Variants in BMPER observed in about 807,000 individuals in gnomAD.
The protein encoded by BMPER is BMP binding endothelial regulator, also known as BMP-binding endothelial regulator protein.
BMPER carries 45 observed loss-of-function variants against 87.3 expected under a neutral mutation model. The ratio of observed to expected loss-of-function variants is 0.52; its 90% CI spans 0.41 to 0.66. BMPER has a LOEUF of 0.66. Ranked by LOEUF, BMPER falls within the 30% of genes least tolerant of loss-of-function variation. The pLI is 0.00. For missense variants in BMPER, 784 were observed against 867.5 expected (o/e 0.90, Z 1.21); for synonymous variants, 326 against 316.2 (o/e 1.03, Z -0.33).
chr7:33,951,333 C>CCACT (rs1427249362), intron 3 of BMPER, among the ~76,000 whole-genome samples: 2 of 152,152 alleles, frequency 1.3e-5, no homozygotes, highest in Non-Finnish European at 2.9e-5. Flanking sequence ...CAGGTGTGAG[C>CCACT]CACTGCACCT....
At chr7:34,077,019 T>C (rs911313549) in intron 11 of BMPER, among the ~76,000 whole-genome samples, 1 of 152,202 alleles carries the variant, frequency 6.6e-6, no homozygotes, top group Non-Finnish European at 1.5e-5. Flanking sequence ...CATCTGGTCA[T>C]CAGGTTACTA....
At chr7:34,113,084 A>G (rs1790023153) in intron 13 of BMPER, among the ~76,000 whole-genome samples, 1 of 151,872 alleles carries the variant, frequency 6.6e-6, no homozygotes, top group African/African-American at 2.4e-5. Flanking sequence ...CAAGCAGCTC[A>G]TTGCATGCAC....
rs749900138 is a variant in BMPER at position 34,079,009 on chromosome 7, C to A, written c.1231C>A (p.Arg411=). ...FQVLVKNDAR[R]TRSFSWTKSV... ...GGTGCTGGTGAAGAACGACGCCCGC[C>A]GGACACGCTCCTTCTCGTGGACCAA... Residue 411 remains arginine (R), a synonymous_variant, in exon 12 of 15, where the codon CGG becomes AGG. Transcript: ENST00000649409. The A allele has an allele frequency of 1.2e-6, 2 of 1,614,228 alleles. No individual in the cohort carries two copies. Among genetic ancestry groups the A allele is most frequent in the Non-Finnish European group, 1.7e-6 (2 of 1,180,034 alleles).
chr7:34,100,736 G>T (rs1449144914), intron 13 of BMPER, among the ~76,000 whole-genome samples: 2 of 152,118 alleles, frequency 1.3e-5, no homozygotes, highest in Non-Finnish European at 2.9e-5. Context: ...GTGGCCTTAG[G>T]TTCCAATAAC....
At chr7:33,955,237 A>G (rs957486289) in intron 3 of BMPER, among the ~76,000 whole-genome samples, 2 of 152,074 alleles carry the variant, frequency 1.3e-5, no homozygotes, top group Admixed American at 1.3e-4. Context: ...GAATGGGTGA[A>G]TTTTTCTCTT....
intron 13 of BMPER, among the ~76,000 whole-genome samples, chr7:34,093,505 C>T (rs774635707): frequency 2.0e-5 from 3 of 152,240 alleles, no homozygotes; most frequent in Non-Finnish European, 2.9e-5. Context: ...GCAAAAAACA[C>T]ACTCCTGTCA....
intron 4 of BMPER, 30 bp downstream of exon 4, chr7:33,966,591 A>G (rs1164912565): frequency 6.2e-7 from 1 of 1,602,138 alleles, no homozygotes; most frequent in South Asian, 1.1e-5. Context: ...CTCTCCAGTA[A>G]AAAGGAATCC....
At chr7:33,921,741 C>T (rs188411616) in intron 2 of BMPER, 222 of 470,930 alleles carry the variant, frequency 4.7e-4, no homozygotes, top group African/African-American at 3.6e-3. Flanking sequence ...AGCTGCAGGA[C>T]GAAGCTGACG....
chr7:33,999,329 G>A (rs188430167), intron 6 of BMPER, among the ~76,000 whole-genome samples: 33 of 152,312 alleles, frequency 2.2e-4, no homozygotes, highest in Admixed American at 5.2e-4. Flanking sequence ...TAAAAAAATG[G>A]TAAGGTAGCT....
chr7:33,980,229 C>T (rs969470675), intron 6 of BMPER, among the ~76,000 whole-genome samples: 1 of 152,134 alleles, frequency 6.6e-6, no homozygotes, highest in Admixed American at 6.5e-5. Flanking sequence ...TTCAGAGTCC[C>T]GATATTCATC....
chr7:34,118,254 G>A (rs1438447340), intron 13 of BMPER, among the ~76,000 whole-genome samples: 2 of 151,566 alleles, frequency 1.3e-5, no homozygotes, highest in Non-Finnish European at 2.9e-5. Flanking sequence ...GCAGTGAGCC[G>A]AGATCACACC....
chr7:33,998,044 A>C (rs1001407514), intron 6 of BMPER, among the ~76,000 whole-genome samples: 1 of 152,168 alleles, frequency 6.6e-6, no homozygotes, highest in African/African-American at 2.4e-5. Context: ...TACAAGCTCC[A>C]TTAGGACTGG....
chr7:34,104,226 G>A (rs752456575), intron 13 of BMPER, among the ~76,000 whole-genome samples: 2 of 152,204 alleles, frequency 1.3e-5, no homozygotes, highest in Admixed American at 6.5e-5. Context: ...CTAATGCTTC[G>A]GTTATTCTGT....
intron 3 of BMPER, among the ~76,000 whole-genome samples, chr7:33,951,643 C>G (rs968066452): frequency 6.6e-6 from 1 of 152,118 alleles, no homozygotes; most frequent in Non-Finnish European, 1.5e-5. Flanking sequence ...ATTTTCAGCT[C>G]TGATCACTGT....
At chr7:33,940,656 A>T (rs905238863) in intron 3 of BMPER, among the ~76,000 whole-genome samples, 10 of 152,174 alleles carry the variant, frequency 6.6e-5, no homozygotes, top group East Asian at 3.9e-4. Flanking sequence ...TGCATTTCTG[A>T]TAAGTCCTCT....
chr7:34,087,565 C>CT (rs371137498), intron 13 of BMPER, among the ~76,000 whole-genome samples: 50 of 152,326 alleles, frequency 3.3e-4, no homozygotes, highest in African/African-American at 1.2e-3. Flanking sequence ...GAGTCGCCAT[C>CT]CAGATTCAGT....
At chr7:34,110,142 G>C (rs1401975709) in intron 13 of BMPER, among the ~76,000 whole-genome samples, 1 of 152,118 alleles carries the variant, frequency 6.6e-6, no homozygotes, top group African/African-American at 2.4e-5. Flanking sequence ...ACTTTGCTGG[G>C]CGTGTATCCA....
At chr7:34,009,412 A>G (rs1023616165) in intron 6 of BMPER, among the ~76,000 whole-genome samples, 1 of 151,930 alleles carries the variant, frequency 6.6e-6, no homozygotes, top group African/African-American at 2.4e-5. Flanking sequence ...AGTGGAAGGG[A>G]GGACTTGCTT....
intron 13 of BMPER, among the ~76,000 whole-genome samples, chr7:34,100,795 GTT>G (rs2127982586): frequency 6.6e-6 from 1 of 152,306 alleles, no homozygotes; most frequent in South Asian, 2.1e-4. Context: ...TCAGGGCCAT[GTT>G]CCTTTGCAGA....
Sources: gnomAD v4.1 joint callset for allele counts (sites outside exome capture counted in the v4.1 genomes callset) on GRCh38, gnomAD v4.1.1 for gene constraint, MANE v1.5 for transcripts, NCBI Gene and HGNC (gene_info 2026-07-23, HGNC 2026-07-21) for gene names.